TGFBRAP1: variants seen among roughly 807,000 people sequenced by gnomAD.
TGFBRAP1 encodes transforming growth factor beta receptor associated protein 1.
In TGFBRAP1, 20 loss-of-function variants were observed where a neutral mutation model predicts 83.2. That is an observed-to-expected ratio of 0.24 (90% CI 0.17 to 0.35). TGFBRAP1 has a LOEUF of 0.35. TGFBRAP1 is among the 10% of genes least tolerant of loss of function. The pLI is 1.00. For synonymous variants in TGFBRAP1, 415 were observed against 459.8 expected, an observed-to-expected ratio of 0.90 and a Z score of 1.25; for missense variants, 950 against 1,099.4, an observed-to-expected ratio of 0.86 and a Z score of 1.92.
At position 105,269,339 on chromosome 2, in the gene TGFBRAP1, G is replaced by T. The variant is rs373215002; in HGVS notation, c.2339C>A (p.Ala780Asp). 3 of 1,613,862 alleles carry T rather than the reference G, an allele frequency of 1.9e-6. No individual in the cohort carries two copies. The highest frequency in any genetic ancestry group is 2.5e-6 in the Non-Finnish European group (3 of 1,179,948). Reference protein sequence around the residue: ...LMGAMRDSIHARRTMQVALGL... With the variant: ...LMGAMRDSIHDRRTMQVALGL... ...GAGAGCCACCTGCATGGTCCTCCTG[G>T]CATGGATGCTGTCCCTCATGGCCCC... The change falls in exon 11 of 12, where the codon GCC becomes GAC. Residue 780 changes from alanine to aspartate, a missense_variant. Transcript: ENST00000393359. This position sits in a 1 kb window ranked among gnomAD's most constrained non-coding sequence, Gnocchi z 4.1.
chr2:105,271,535 C>T (rs776231751), intron 10 of TGFBRAP1, among the ~76,000 whole-genome samples: 12 of 152,150 alleles, frequency 7.9e-5, no homozygotes, highest in South Asian at 2.1e-4. Context: ...GAAATACCAA[C>T]CCACACCTGT....
chr2:105,317,245 T>G (rs1678913664), intron 1 of TGFBRAP1, among the ~76,000 whole-genome samples: 1 of 152,188 alleles, frequency 6.6e-6, no homozygotes, highest in South Asian at 2.1e-4. Flanking sequence ...GAGATCATCC[T>G]GCCCAACATG....
chr2:105,307,390 T>C (rs1451162025), intron 2 of TGFBRAP1, among the ~76,000 whole-genome samples: 1 of 152,204 alleles, frequency 6.6e-6, no homozygotes, highest in African/African-American at 2.4e-5. Context: ...CAAGCTCCAC[T>C]TTAATGTGAA....
rs1678148683 is a variant in TGFBRAP1, at chr2:105,298,240, G to A, written c.883+271C>T. On this transcript the variant is annotated intron_variant, in intron 3 of 11. Coordinates refer to ENST00000393359, the MANE Select transcript of TGFBRAP1 (RefSeq NM_004257.6). ...GCTAAAACAGCACCTCCTTCAGGAA[G>A]CCCTCCCTGATATCTCTAGGAAATA... 2.0e-5 allele frequency among the ~76,000 whole-genome samples: 3 copies of A among 152,132 alleles called. No individual in the cohort carries two copies. In the South Asian group the frequency reaches 6.2e-4, roughly 32 times the overall value.
intron 5 of TGFBRAP1, among the ~76,000 whole-genome samples, 159 bp downstream of exon 5, chr2:105,284,157 C>A (rs1421754153): frequency 6.6e-6 from 1 of 152,146 alleles, no homozygotes; most frequent in African/African-American, 2.4e-5. Context: ...GAGGAACCAG[C>A]ATTGGCGGGG....
At chr2:105,290,879 G>C (rs887431655) in intron 4 of TGFBRAP1, among the ~76,000 whole-genome samples, 1 of 152,006 alleles carries the variant, frequency 6.6e-6, no homozygotes, top group Non-Finnish European at 1.5e-5. Context: ...CATGGCACGT[G>C]CCTGTAATCC....
chr2:105,323,391 A>C (rs1679124952), intron 1 of TGFBRAP1, among the ~76,000 whole-genome samples: 1 of 152,168 alleles, frequency 6.6e-6, no homozygotes, highest in Admixed American at 6.5e-5. Context: ...GACTCAGTGC[A>C]AACTCAGACC....
In TGFBRAP1 at chr2:105,268,510, T is replaced by C. The variant is rs141649691; in HGVS notation, c.2406+762A>G. The stretch of plus-strand genomic sequence containing the variant: ...AAAAAGGTAAGAATATCTCAGGCAG[T>C]GGGTACAGCATTTACAAAAGCAACA... On this transcript the variant is annotated intron_variant, in intron 11 of 11. Transcript: ENST00000393359. Among the ~76,000 whole-genome samples, 359 of 152,272 alleles carry C rather than the reference T, an allele frequency of 2.4e-3. 2 individuals are homozygous for C. Among genetic ancestry groups the C allele is most frequent in the African/African-American group, 8.1e-3 (338 of 41,546 alleles).
At position 105,267,569 on chromosome 2, in the gene TGFBRAP1, G is replaced by T; in HGVS notation, c.2407-10C>A. 1 of 1,614,140 alleles carries T rather than the reference G, an allele frequency of 6.2e-7. No homozygotes were observed. The highest frequency in any genetic ancestry group is 1.1e-5 in the South Asian group (1 of 91,068). Reference sequence around the variant, plus strand: ...TTCCTTTCAACTTCATCTGCAAGAAGAAACCAAGACTGAGAATGCTGTCAT... The same window carrying T: ...TTCCTTTCAACTTCATCTGCAAGAATAAACCAAGACTGAGAATGCTGTCAT... On this transcript the variant is annotated splice_polypyrimidine_tract_variant and intron_variant, in intron 11 of 11. Transcript: ENST00000393359.
chr2:105,272,075 C>CA (rs775541171), intron 10 of TGFBRAP1, among the ~76,000 whole-genome samples: 2 of 151,922 alleles, frequency 1.3e-5, no homozygotes, highest in Non-Finnish European at 2.9e-5. Context: ...TGTTATTGGT[C>CA]AAAAAATGGT....
Position 105,298,452 on chromosome 2 carries a change from G to A in TGFBRAP1, c.883+59C>T, listed in dbSNP as rs1047260790. On this transcript the variant is annotated intron_variant, in intron 3 of 11. Coordinates refer to ENST00000393359, the MANE Select transcript of TGFBRAP1 (RefSeq NM_004257.6). ...GCCCAGTTCCTAAATGATATTTACC[G>A]AAGAAATATCATAAAAGAGTTAAGT... The A allele has an allele frequency of 2.2e-5, 33 of 1,495,210 alleles. No homozygotes were observed. The Middle Eastern group carries it at 1.3e-3, about 57-fold the overall frequency. 92.6% of individuals were successfully genotyped at this position (1,495,210 alleles called of 1,614,324 possible).
At chr2:105,305,673 T>C (rs982562184) in intron 2 of TGFBRAP1, among the ~76,000 whole-genome samples, 2 of 152,206 alleles carry the variant, frequency 1.3e-5, no homozygotes, top group African/African-American at 4.8e-5. Context: ...ATTAATTTTA[T>C]TTACTTTTTT....
chr2:105,310,018 T>G (rs1284238118), intron 1 of TGFBRAP1, among the ~76,000 whole-genome samples: 1 of 152,168 alleles, frequency 6.6e-6, no homozygotes, highest in Non-Finnish European at 1.5e-5. Flanking sequence ...AATCTTGGAC[T>G]TCCCAGCCTC....
chr2:105,296,286 G>A, intron 4 of TGFBRAP1, 70 bp downstream of exon 4: 2 of 1,580,990 alleles, frequency 1.3e-6, no homozygotes, highest in Non-Finnish European at 8.6e-7. Flanking sequence ...GCCGATGCAT[G>A]TTAGTTAAAT....
chr2:105,299,284 A>T lies in TGFBRAP1; in HGVS notation c.689-579T>A, dbSNP rs79185481. On this transcript the variant is annotated intron_variant, in intron 2 of 11. Transcript: ENST00000393359. ...CGACAGAGTGAGAACCTGTCTAAAA[A>T]TAAGTAAGTAAAATAAAATAAAAAT... 6.7e-4 allele frequency among the ~76,000 whole-genome samples: 102 copies of T among 152,302 alleles called. 3 individuals are homozygous for T. In the East Asian group the frequency reaches 0.02, roughly 29 times the overall value.
the TGFBRAP1 span, among the ~76,000 whole-genome samples, chr2:105,257,216 C>T: frequency 4.6e-5 from 7 of 152,104 alleles, no homozygotes; most frequent in African/African-American, 9.7e-5. Context: ...GGTCTGGATC[C>T]GGACCCCTTT....
chr2:105,307,910 C>T lies in TGFBRAP1; in HGVS notation c.392G>A (p.Gly131Glu). The change falls in exon 2 of 12, where the codon GGG becomes GAG. Residue 131 changes from glycine (G) to glutamate (E), a missense_variant. By Grantham distance (98) the Gly-to-Glu change is moderately conservative (BLOSUM62 -2). Coordinates refer to ENST00000393359, the MANE Select transcript of TGFBRAP1 (RefSeq NM_004257.6). Reference protein sequence around the residue: ...TFALNENPVSGDPFCVEVCII... With the variant: ...TFALNENPVSEDPFCVEVCII... Reference sequence around the variant, plus strand: ...GCAAACTTCTACACAGAAGGGGTCCCCACTCACAGGGTTCTCGTTCAGTGC... The same window carrying T: ...GCAAACTTCTACACAGAAGGGGTCCTCACTCACAGGGTTCTCGTTCAGTGC... 1 of 1,614,224 alleles carries T rather than the reference C, an allele frequency of 6.2e-7. No individual in the cohort carries two copies. Among genetic ancestry groups the T allele is most frequent in the Non-Finnish European group, 8.5e-7 (1 of 1,180,044 alleles).
intron 4 of TGFBRAP1, among the ~76,000 whole-genome samples, chr2:105,288,825 T>G (rs953655861): frequency 1.3e-5 from 2 of 152,160 alleles, no homozygotes; most frequent in East Asian, 3.9e-4. Flanking sequence ...TAAACAGGTG[T>G]GCATGTATAT....
rs150006834 is a variant in TGFBRAP1 at position 105,307,158 on chromosome 2, C to T, written c.688+456G>A. On this transcript the variant is annotated intron_variant, in intron 2 of 11. Coordinates refer to ENST00000393359, the MANE Select transcript of TGFBRAP1 (RefSeq NM_004257.6). ...AGAAAAACTCCAGCATCATAAAAAC[C>T]CGATGCAGAACTCTCAGGGCTGCTG... Among the ~76,000 whole-genome samples the T allele has an allele frequency of 7.3e-3, 1,104 of 151,840 alleles. 13 individuals are homozygous for T. The highest frequency in any genetic ancestry group is 9.3e-3 in the Non-Finnish European group (633 of 67,870).
Sources: allele counts gnomAD v4.1 joint callset (sites outside exome capture counted in the v4.1 genomes callset), GRCh38; gene constraint gnomAD v4.1.1; non-coding constraint Gnocchi (gnomAD v3.1); transcripts MANE v1.5; gene names NCBI Gene and HGNC (gene_info 2026-07-23, HGNC 2026-07-21).